MAGEC3: variants seen among roughly 807,000 people sequenced by gnomAD.
The protein encoded by MAGEC3 is melanoma-associated antigen C3.
Under a neutral mutation model 35.3 loss-of-function variants are expected in MAGEC3, and 34 were observed. The ratio of observed to expected loss-of-function variants is 0.96; its 90% CI spans 0.73 to 1.28. The LOEUF (loss-of-function observed/expected upper bound fraction) is 1.28. Ranked by LOEUF, MAGEC3 falls within the 50% of genes most tolerant of loss-of-function variation. MAGEC3 has a pLI of 0.00. For synonymous variants in MAGEC3, 202 were observed against 185.6 expected, an observed-to-expected ratio of 1.09 and a Z score of -0.72; for missense variants, 561 against 483.6, an observed-to-expected ratio of 1.16 and a Z score of -1.50.
At chrX:141,870,253 T>C (rs2017878999) in intron 2 of MAGEC3, among the ~76,000 whole-genome samples, 1 of 111,704 alleles carries the variant, frequency 9.0e-6, no homozygotes, top group South Asian at 3.7e-4. Flanking sequence ...TACCCTTGCA[T>C]TAGTTTGCTA....
At chrX:141,895,650 C>T in intron 6 of MAGEC3, 91 bp downstream of exon 6, 1 of 883,074 alleles carries the variant, frequency 1.1e-6, no homozygotes, top group Non-Finnish European at 1.5e-6. Flanking sequence ...GATTCCCACC[C>T]TGCTCCTCAT....
intron 1 of MAGEC3, chrX:141,838,896 C>G (rs1382414635): frequency 5.7e-5 from 42 of 738,862 alleles, no homozygotes; most frequent in Non-Finnish European, 6.6e-5. Context: ...CAGGACAGTG[C>G]TCAGTCTGTT....
intron 4 of MAGEC3, among the ~76,000 whole-genome samples, chrX:141,890,830 T>C (rs1157146117): frequency 2.7e-5 from 3 of 111,039 alleles, no homozygotes; most frequent in African/African-American, 9.8e-5. Context: ...TGTAGTTAGA[T>C]AGAAGCCAGT....
chrX:141,884,011 C>G (rs1296729694), intron 4 of MAGEC3, among the ~76,000 whole-genome samples: 1 of 113,245 alleles, frequency 8.8e-6, no homozygotes, highest in Non-Finnish European at 1.9e-5. Flanking sequence ...ATTAGAATCT[C>G]TCATGGTAGG....
chrX:141,862,396 AAAG>A (rs1379708217), intron 1 of MAGEC3, among the ~76,000 whole-genome samples: 1 of 112,218 alleles, frequency 8.9e-6, no homozygotes, highest in Non-Finnish European at 1.9e-5. Flanking sequence ...AAACTGAAAA[AAAG>A]AACTATCATA....
At chrX:141,883,256 G>A (rs149350893) in intron 4 of MAGEC3, among the ~76,000 whole-genome samples, 1,360 of 112,359 alleles carry the variant, frequency 0.012, 12 homozygotes, top group Non-Finnish European at 0.021. Flanking sequence ...GAGAGCCAGA[G>A]TCCATTCCAT....
At chrX:141,884,468 T>C (rs2017988207) in intron 4 of MAGEC3, among the ~76,000 whole-genome samples, 1 of 110,982 alleles carries the variant, frequency 9.0e-6, no homozygotes, top group Admixed American at 9.6e-5. Context: ...CATAATACAC[T>C]CCCCTTTATA....
intron 1 of MAGEC3, among the ~76,000 whole-genome samples, chrX:141,864,753 G>T (rs1363961562): frequency 1.8e-5 from 2 of 111,117 alleles, no homozygotes; most frequent in African/African-American, 6.6e-5. Context: ...TAACAAACCT[G>T]CACATGTGCT....
chrX:141,846,516 A>G (rs1386760253), intron 1 of MAGEC3, among the ~76,000 whole-genome samples: 1 of 110,734 alleles, frequency 9.0e-6, no homozygotes, highest in Non-Finnish European at 1.9e-5. Flanking sequence ...GTACAGACAA[A>G]GACGCTACCT....
intron 1 of MAGEC3, among the ~76,000 whole-genome samples, chrX:141,842,801 A>G (rs1195456123): frequency 1.8e-5 from 2 of 111,700 alleles, no homozygotes; most frequent in Non-Finnish European, 3.8e-5. Flanking sequence ...AAACATCCCT[A>G]AAACACTTCA....
In MAGEC3 at chrX:141,870,926, A is replaced by G. The variant is rs773143138; in HGVS notation, c.258+5321A>G. 7.1e-5 allele frequency among the ~76,000 whole-genome samples: 8 copies of G among 112,421 alleles called. No homozygotes were observed. In the East Asian group the frequency reaches 1.4e-3, roughly 20 times the overall value. ...TTAGCAAACCTAATATCTGACCTGC[A>G]TAATGTAGACCACATTTTTACACCT... On this transcript the variant is annotated intron_variant, in intron 2 of 7. Transcript: ENST00000298296.
At position 141,879,375 on chromosome X, in the gene MAGEC3, C is replaced by G. The variant is rs375625640; in HGVS notation, c.459C>G (p.Thr153=). The change falls in exon 3 of 8, where the codon ACC becomes ACG. Residue 153 remains threonine (T), a synonymous_variant. Coordinates refer to ENST00000298296, the MANE Select transcript of MAGEC3 (RefSeq NM_138702.1). ...CATGGAGGAGAGGCACAGGCTACAC[C>G]CTTTCCCTTCCTGCCGTCAGCCCTG... ...LPTWRRGTGY[T]LSLPAVSPGK... The G allele has an allele frequency of 8.5e-7, 1 of 1,172,743 alleles. No individual in the cohort carries two copies. Among genetic ancestry groups the G allele is most frequent in the African/African-American group, 2.4e-5 (1 of 41,879 alleles).
At chrX:141,887,280 C>T (rs1362623739) in intron 4 of MAGEC3, among the ~76,000 whole-genome samples, 1 of 112,274 alleles carries the variant, frequency 8.9e-6, no homozygotes, top group Non-Finnish European at 1.9e-5. Flanking sequence ...TTAGGAGAGA[C>T]CTTGATCGAT....
At chrX:141,894,967 G>A (rs910403882) in intron 4 of MAGEC3, among the ~76,000 whole-genome samples, 18 of 100,010 alleles carry the variant, frequency 1.8e-4, no homozygotes, top group Non-Finnish European at 3.2e-4. Flanking sequence ...GGAGGGAGTG[G>A]GAAAGTGGGC....
At chrX:141,861,544 T>C (rs367665623) in intron 1 of MAGEC3, among the ~76,000 whole-genome samples, 1 of 111,553 alleles carries the variant, frequency 9.0e-6, no homozygotes, top group South Asian at 3.7e-4. Context: ...TTGTATAAGC[T>C]ATAGTAACCA....
chrX:141,885,647 G>A lies in MAGEC3; in HGVS notation c.909+3851G>A, dbSNP rs111230892. Among the ~76,000 whole-genome samples the A allele has an allele frequency of 6.3e-5, 5 of 79,852 alleles. No homozygotes were observed. The South Asian group carries it at 2.9e-3, about 46-fold the overall frequency. 69.3% of individuals were successfully genotyped at this position (79,852 alleles called of 115,157 possible). ...CCACTGCACTCCAGCCTGGGTGACA[G>A]AGTGAGACTTCGTCTCAAAAAAAAA... On this transcript the variant is annotated intron_variant, in intron 4 of 7. Transcript: ENST00000298296.
intron 3 of MAGEC3, chrX:141,880,521 A>ACC (rs1223252460): frequency 4.7e-6 from 1 of 212,693 alleles, no homozygotes; most frequent in Non-Finnish European, 7.6e-6. Context: ...TGCTCCAGGA[A>ACC]CCAGGAGTTG....
At chrX:141,861,641 A>G (rs2017815702) in intron 1 of MAGEC3, among the ~76,000 whole-genome samples, 1 of 111,830 alleles carries the variant, frequency 8.9e-6, no homozygotes, top group African/African-American at 3.2e-5. Context: ...CAACCATCTG[A>G]TCTTCAACAA....
chrX:141,876,846 A>C (rs1395901126), intron 2 of MAGEC3, among the ~76,000 whole-genome samples: 4 of 112,248 alleles, frequency 3.6e-5, no homozygotes, highest in African/African-American at 1.3e-4. Context: ...GCACATGTTT[A>C]TACATGTTTT....
Sources: gnomAD v4.1 joint callset for allele counts (sites outside exome capture counted in the v4.1 genomes callset) on GRCh38, gnomAD v4.1.1 for gene constraint, MANE v1.5 for transcripts, NCBI Gene and HGNC (gene_info 2026-07-23, HGNC 2026-07-21) for gene names.